GALNT13: variants seen among roughly 807,000 people sequenced by gnomAD.
GALNT13 encodes UDP-GalNAc:polypeptide N-acetylgalactosaminyltransferase 13.
GALNT13 carries 28 observed loss-of-function variants against 64.2 expected under a neutral mutation model. That is an observed-to-expected ratio of 0.44 (90% CI 0.32 to 0.60). The LOEUF (loss-of-function observed/expected upper bound fraction) is 0.60. Ranked by LOEUF, GALNT13 falls within the 20% of genes least tolerant of loss-of-function variation. The probability of loss-of-function intolerance (pLI) is 0.05; values close to 1 mark genes in which losing one functional copy is unlikely to be tolerated. For synonymous variants in GALNT13, 214 were observed against 224.6 expected, an observed-to-expected ratio of 0.95 and a Z score of 0.42; for missense variants, 577 against 669.8, an observed-to-expected ratio of 0.86 and a Z score of 1.53.
At chr2:154,247,908 TGCAGGTAATTTTCATCA>T (rs899500044) in intron 7 of GALNT13, among the ~76,000 whole-genome samples, 1 of 152,142 alleles carries the variant, frequency 6.6e-6, no homozygotes, top group African/African-American at 2.4e-5. Flanking sequence ...TGTAACAGCC[TGCAGGTAATTTTCATCA>T]GCATAGCTGT....
chr2:153,619,648 C>T, the GALNT13 span, among the ~76,000 whole-genome samples: 635 of 152,116 alleles, frequency 4.2e-3, 3 homozygotes, highest in African/African-American at 0.014. Context: ...TGAAACCCTT[C>T]AGCTTTTGTT....
At chr2:153,799,796 C>T in the GALNT13 span, among the ~76,000 whole-genome samples, 1 of 152,044 alleles carries the variant, frequency 6.6e-6, no homozygotes, top group African/African-American at 2.4e-5. Context: ...TTTCCTTAGC[C>T]ATGGGAATGA....
the GALNT13 span, among the ~76,000 whole-genome samples, chr2:153,095,106 A>G: frequency 1.3e-4 from 20 of 152,212 alleles, no homozygotes; most frequent in Non-Finnish European, 1.8e-4. Context: ...CAGGCAACCT[A>G]CAGAATGGGA....
the GALNT13 span, among the ~76,000 whole-genome samples, chr2:153,150,665 G>A: frequency 6.6e-6 from 1 of 152,014 alleles, no homozygotes; most frequent in Non-Finnish European, 1.5e-5. Flanking sequence ...TGTAAGGAAG[G>A]GATCCAGTTT....
At chr2:154,425,849 C>G (rs370870157) in intron 11 of GALNT13, among the ~76,000 whole-genome samples, 290 of 152,250 alleles carry the variant, frequency 1.9e-3, no homozygotes, top group African/African-American at 6.7e-3. Context: ...GATTGAATAG[C>G]TGAGAAATAG....
intron 3 of GALNT13, among the ~76,000 whole-genome samples, chr2:153,988,835 GA>G (rs1292565091): frequency 6.6e-6 from 1 of 151,878 alleles, no homozygotes; most frequent in African/African-American, 2.4e-5. Context: ...ACTAAAGTAT[GA>G]TTTTTTTGCA....
the GALNT13 span, among the ~76,000 whole-genome samples, chr2:153,801,091 A>G: frequency 2.0e-5 from 3 of 152,038 alleles, no homozygotes; most frequent in African/African-American, 7.3e-5. Context: ...AATTAAAGAG[A>G]GTTAGGGCTG....
rs1037289967 is a variant in GALNT13, at chr2:154,406,786, CTG to C, written c.1297-2194_1297-2193del. ...AACATAAGCTTTATGAAGGAAGAGA[CTG>C]TGTTTATTTTGTTCCTTTCTGTCTC... On this transcript the variant is annotated intron_variant, in intron 10 of 12. Coordinates refer to ENST00000392825, the MANE Select transcript of GALNT13 (RefSeq NM_052917.4). 2.6e-5 allele frequency among the ~76,000 whole-genome samples: 4 copies of C among 152,234 alleles called. No individual in the cohort carries two copies. In the East Asian group the frequency reaches 5.8e-4, roughly 22 times the overall value.
the GALNT13 span, among the ~76,000 whole-genome samples, chr2:153,200,923 G>C: frequency 6.6e-6 from 1 of 152,206 alleles, no homozygotes; most frequent in Non-Finnish European, 1.5e-5. Flanking sequence ...TGAATCCAGA[G>C]GTTGACTAGA....
At chr2:154,428,350 A>T (rs188021915) in intron 11 of GALNT13, among the ~76,000 whole-genome samples, 2 of 152,350 alleles carry the variant, frequency 1.3e-5, no homozygotes, top group South Asian at 2.1e-4. Context: ...ATATATATCA[A>T]ACTGTGAACT....
At chr2:153,741,033 C>T in the GALNT13 span, among the ~76,000 whole-genome samples, 1 of 152,146 alleles carries the variant, frequency 6.6e-6, no homozygotes, top group African/African-American at 2.4e-5. Context: ...AAGTCCTACT[C>T]CATTGTTTTC....
the GALNT13 span, among the ~76,000 whole-genome samples, chr2:153,722,485 C>CA: frequency 2.1e-5 from 3 of 145,926 alleles, no homozygotes; most frequent in African/African-American, 7.9e-5. Context: ...AATAGAGACA[C>CA]AAAAAACCCT....
At chr2:153,505,028 C>T in the GALNT13 span, among the ~76,000 whole-genome samples, 1 of 151,906 alleles carries the variant, frequency 6.6e-6, no homozygotes, top group Non-Finnish European at 1.5e-5. Flanking sequence ...TTTTTATTGG[C>T]AATTTTTTAG....
At chr2:153,448,404 A>G in the GALNT13 span, among the ~76,000 whole-genome samples, 1 of 152,188 alleles carries the variant, frequency 6.6e-6, no homozygotes, top group Non-Finnish European at 1.5e-5. Flanking sequence ...TCAAGCAGAC[A>G]AATCTTTGTT....
At chr2:154,290,939 C>T (rs573961878) in intron 8 of GALNT13, among the ~76,000 whole-genome samples, 83 of 150,278 alleles carry the variant, frequency 5.5e-4, no homozygotes, top group African/African-American at 2.0e-3. Context: ...TCGTCCCTCC[C>T]GGTGGGTTCG....
At chr2:153,580,920 T>C in the GALNT13 span, among the ~76,000 whole-genome samples, 378 of 152,310 alleles carry the variant, frequency 2.5e-3, 3 homozygotes, top group African/African-American at 8.8e-3. Context: ...TAGATATTGG[T>C]GTTCATATGT....
the GALNT13 span, among the ~76,000 whole-genome samples, chr2:153,497,987 G>T: frequency 3.9e-5 from 6 of 152,216 alleles, no homozygotes; most frequent in Non-Finnish European, 5.9e-5. Flanking sequence ...GAGTTCAGAA[G>T]AATTCATTTT....
chr2:153,254,843 A>G, the GALNT13 span, among the ~76,000 whole-genome samples: 15 of 152,152 alleles, frequency 9.9e-5, no homozygotes, highest in African/African-American at 3.6e-4. Flanking sequence ...ACAGTTTGTT[A>G]TAATTTCTGT....
At chr2:153,995,355 T>C (rs1695451937) in intron 3 of GALNT13, among the ~76,000 whole-genome samples, 1 of 152,130 alleles carries the variant, frequency 6.6e-6, no homozygotes, top group African/African-American at 2.4e-5. Flanking sequence ...CTCAGTGCTG[T>C]GTTATACATA....
Sources: gnomAD v4.1 joint callset for allele counts (sites outside exome capture counted in the v4.1 genomes callset) on GRCh38, gnomAD v4.1.1 for gene constraint, MANE v1.5 for transcripts, NCBI Gene and HGNC (gene_info 2026-07-23, HGNC 2026-07-21) for gene names.